CCBE1: variants seen among roughly 807,000 people sequenced by gnomAD.
The protein encoded by CCBE1 is collagen and calcium binding EGF domains 1, also known as collagen and calcium-binding EGF domain-containing protein 1.
CCBE1 carries 37 observed loss-of-function variants against 50.0 expected under a neutral mutation model. The observed-to-expected ratio is 0.74, with a 90% CI of 0.57 to 0.97. The LOEUF (loss-of-function observed/expected upper bound fraction) is 0.97. Among genes scored for constraint, CCBE1 ranks in the 50% least tolerant of loss-of-function variants. CCBE1 has a pLI of 0.00. For synonymous variants in CCBE1, 234 were observed against 203.7 expected (o/e 1.15, Z -1.27); for missense variants, 538 against 523.8 (o/e 1.03, Z -0.26).
chr18:59,544,957 T>C (rs1055233915), intron 2 of CCBE1, among the ~76,000 whole-genome samples: 4 of 152,214 alleles, frequency 2.6e-5, no homozygotes, highest in Non-Finnish European at 5.9e-5. Context: ...GTTCCAGACA[T>C]TGACAAAACA....
intron 3 of CCBE1, among the ~76,000 whole-genome samples, chr18:59,475,200 A>AG (rs1461879772): frequency 2.0e-5 from 3 of 152,176 alleles, no homozygotes; most frequent in African/African-American, 7.2e-5. Context: ...TCAGACCTTC[A>AG]GAAACTCCCT....
At chr18:59,696,034 G>A (rs993336653) in intron 2 of CCBE1, among the ~76,000 whole-genome samples, 4 of 152,082 alleles carry the variant, frequency 2.6e-5, no homozygotes, top group African/African-American at 7.2e-5. Flanking sequence ...CCCCATCCAC[G>A]CTTAGTTTTA....
At chr18:59,497,796 CTT>C (rs1370409251) in intron 2 of CCBE1, among the ~76,000 whole-genome samples, 1 of 152,188 alleles carries the variant, frequency 6.6e-6, no homozygotes, top group Non-Finnish European at 1.5e-5. Flanking sequence ...GATGGTCCGA[CTT>C]TGTACCATGA....
chr18:59,553,313 G>A (rs1219300619), intron 2 of CCBE1, among the ~76,000 whole-genome samples: 1 of 152,192 alleles, frequency 6.6e-6, no homozygotes, highest in African/African-American at 2.4e-5. Context: ...ACATGTAACA[G>A]ACTTCAAAAG....
At chr18:59,658,879 C>CAAAAAAAAAAAAAAAAAAAAAAAAAA (rs61226521) in intron 2 of CCBE1, among the ~76,000 whole-genome samples, 1 of 54,732 alleles carries the variant, frequency 1.8e-5, no homozygotes, top group Non-Finnish European at 3.3e-5. Context: ...GACTCTGTCT[C>CAAAAAAAAAAAAAAAAAAAAAAAAAA]AAAAAAAAAA....
rs1915018844 is a variant in CCBE1, at chr18:59,530,811, CAGAT to C, written c.213-50577_213-50574del. ...TTACACACCACATCCCCATTGTTCT[CAGAT>C]AGTTTTCTTAAATATCTTATTAATC... is the stretch of plus-strand genomic sequence containing the variant. On this transcript the variant is annotated intron_variant, in intron 2 of 10. Coordinates refer to ENST00000439986, the MANE Select transcript of CCBE1 (RefSeq NM_133459.4). Among the ~76,000 whole-genome samples the C allele has an allele frequency of 2.0e-5, 3 of 152,316 alleles. No homozygotes were observed. In the South Asian group the frequency reaches 6.2e-4, roughly 32 times the overall value.
intron 2 of CCBE1, among the ~76,000 whole-genome samples, chr18:59,632,666 G>A (rs566394054): frequency 1.1e-3 from 168 of 152,238 alleles, no homozygotes; most frequent in Middle Eastern, 3.4e-3. Context: ...TTGGCTCACC[G>A]CAACTTCCAA....
chr18:59,651,149 C>T (rs912543428), intron 2 of CCBE1, among the ~76,000 whole-genome samples: 1 of 152,190 alleles, frequency 6.6e-6, no homozygotes, highest in African/African-American at 2.4e-5. Context: ...ATAGAAGCAA[C>T]AAGCCTAAGC....
intron 2 of CCBE1, among the ~76,000 whole-genome samples, chr18:59,532,019 A>T (rs1466382442): frequency 6.6e-6 from 1 of 152,156 alleles, no homozygotes; most frequent in Non-Finnish European, 1.5e-5. Context: ...TGTCCACTGG[A>T]CACCAAATAA....
chr18:59,514,049 C>T (rs9953900), intron 2 of CCBE1, among the ~76,000 whole-genome samples: 114,114 of 152,124 alleles, frequency 0.75, 43,145 homozygotes, highest in East Asian at 0.99. Flanking sequence ...CGTGGCTTTA[C>T]TATCCTTTCC....
intron 2 of CCBE1, among the ~76,000 whole-genome samples, chr18:59,625,952 T>C (rs1407521009): frequency 6.6e-6 from 1 of 152,172 alleles, no homozygotes; most frequent in Non-Finnish European, 1.5e-5. Flanking sequence ...ATTCCCGGGC[T>C]CCACAGTTGC....
intron 2 of CCBE1, among the ~76,000 whole-genome samples, chr18:59,574,316 T>C (rs2052959497): frequency 6.6e-6 from 1 of 152,206 alleles, no homozygotes. Flanking sequence ...CTTCCAATAA[T>C]TTAGTTGAAA....
At chr18:59,689,020 T>C (rs1388253979) in intron 2 of CCBE1, among the ~76,000 whole-genome samples, 1 of 152,190 alleles carries the variant, frequency 6.6e-6, no homozygotes, top group African/African-American at 2.4e-5. Context: ...TCTGGGACTT[T>C]GGGGGCCAAA....
intron 2 of CCBE1, among the ~76,000 whole-genome samples, chr18:59,624,018 T>C (rs1366735885): frequency 6.6e-6 from 1 of 151,928 alleles, no homozygotes; most frequent in Non-Finnish European, 1.5e-5. Flanking sequence ...AATGTGGGAG[T>C]GACTGAACTT....
At chr18:59,620,959 G>A (rs371034664) in intron 2 of CCBE1, among the ~76,000 whole-genome samples, 3 of 152,200 alleles carry the variant, frequency 2.0e-5, no homozygotes, top group East Asian at 3.8e-4. Context: ...TGCCATAAAG[G>A]AAACCACAAA....
At chr18:59,643,102 G>T (rs547785031) in intron 2 of CCBE1, among the ~76,000 whole-genome samples, 1 of 152,264 alleles carries the variant, frequency 6.6e-6, no homozygotes, top group African/African-American at 2.4e-5. Flanking sequence ...TCTGCACTCT[G>T]ATGACTCCTC....
At position 59,521,160 on chromosome 18, in the gene CCBE1, C is replaced by T. The variant is rs567022221; in HGVS notation, c.213-40922G>A. On this transcript the variant is annotated intron_variant, in intron 2 of 10. Coordinates refer to ENST00000439986, the MANE Select transcript of CCBE1 (RefSeq NM_133459.4). ...TGCATTCAAATATTGCTTTAACAGT[C>T]GAGATGGCTATTTTAAGCAAACAAG... is the stretch of plus-strand genomic sequence containing the variant. 3.3e-5 allele frequency among the ~76,000 whole-genome samples: 5 copies of T among 152,242 alleles called. No individual in the cohort carries two copies. In the East Asian group the frequency reaches 7.7e-4, roughly 23 times the overall value.
At chr18:59,501,982 A>G (rs752140030) in intron 2 of CCBE1, among the ~76,000 whole-genome samples, 7 of 152,162 alleles carry the variant, frequency 4.6e-5, no homozygotes, top group Non-Finnish European at 1.0e-4. Context: ...TATTTTTAGC[A>G]CAGACAGCGT....
chr18:59,615,898 C>T (rs1367435445), intron 2 of CCBE1, among the ~76,000 whole-genome samples: 1 of 152,114 alleles, frequency 6.6e-6, no homozygotes, highest in Non-Finnish European at 1.5e-5. Flanking sequence ...GCAAAGAGGA[C>T]ACTTACCAAG....
Sources: gnomAD v4.1 joint callset for allele counts (sites outside exome capture counted in the v4.1 genomes callset) on GRCh38, gnomAD v4.1.1 for gene constraint, MANE v1.5 for transcripts, NCBI Gene and HGNC (gene_info 2026-07-23, HGNC 2026-07-21) for gene names.